PBRM1: variants seen among roughly 807,000 people sequenced by gnomAD.
PBRM1 encodes polybromo 1.
A neutral mutation model predicts 194.5 loss-of-function variants in PBRM1; 27 were observed. The ratio of observed to expected loss-of-function variants is 0.14; its 90% confidence interval spans 0.10 to 0.19. The LOEUF (loss-of-function observed/expected upper bound fraction) is 0.19, where lower values mean the gene tolerates loss of function less well. PBRM1 is among the 10% of genes least tolerant of loss of function. The pLI is 1.00. For synonymous variants in PBRM1, 655 were observed against 693.2 expected (o/e 0.94, Z 0.87); for missense variants, 1,466 against 2,077.2 (o/e 0.71, Z 5.72).
At chr3:52,587,427 C>T in exon 19 of PBRM1, 1 of 1,610,422 alleles carries the variant, frequency 6.2e-7, no homozygotes, top group African/African-American at 1.3e-5. Flanking sequence ...CTCTTAAAAA[C>T]TTCTTTTTCT....
exon 14 of PBRM1, chr3:52,617,499 G>A (rs2153490564): frequency 6.2e-7 from 1 of 1,611,696 alleles, no homozygotes; most frequent in African/African-American, 1.3e-5. Context: ...GAACAACATT[G>A]AATAAGATTT....
chr3:52,580,779 GAT>G (rs1284160313), intron 20 of PBRM1, among the ~76,000 whole-genome samples: 4 of 152,210 alleles, frequency 2.6e-5, no homozygotes, highest in Non-Finnish European at 5.9e-5. Context: ...TGAAGATAAT[GAT>G]AGTGTGGCCA....
intron 13 of PBRM1, among the ~76,000 whole-genome samples, chr3:52,620,404 A>C (rs2095220182): frequency 6.6e-6 from 1 of 152,202 alleles, no homozygotes; most frequent in Admixed American, 6.5e-5. Flanking sequence ...ATTAGTCCTC[A>C]TTCTAGCAAT....
rs2153708823 is a variant in PBRM1 at position 52,642,065 on chromosome 3, A to T, written c.996-20T>A. ...TTATTACTACAAAAAAAAAAAAAGC[A>T]ATTAGACAGGGAAGGATGTTATAAT... On this transcript the variant is annotated intron_variant, in intron 9 of 29. Coordinates refer to ENST00000296302, the Ensembl canonical transcript of PBRM1. The T allele has an allele frequency of 8.3e-7, 1 of 1,203,944 alleles. No individual in the cohort carries two copies. The highest frequency in any genetic ancestry group is 1.2e-6 in the Non-Finnish European group (1 of 812,084). 74.6% of individuals were successfully genotyped at this position (1,203,944 alleles called of 1,614,324 possible).
intron 27 of PBRM1, chr3:52,552,012 C>G (rs1401407827): frequency 6.6e-6 from 1 of 152,106 alleles, no homozygotes; most frequent in Non-Finnish European, 1.5e-5. Context: ...TAGAAAATAA[C>G]AAGTAAAAAA....
intron 26 of PBRM1, among the ~76,000 whole-genome samples, chr3:52,557,971 C>G (rs918746013): frequency 6.6e-6 from 1 of 152,184 alleles, no homozygotes; most frequent in Non-Finnish European, 1.5e-5. Flanking sequence ...AGTGCTCTAT[C>G]AAGAGCAGGC....
At chr3:52,669,607 A>G (rs1019404399) in intron 2 of PBRM1, among the ~76,000 whole-genome samples, 1 of 152,222 alleles carries the variant, frequency 6.6e-6, no homozygotes, top group Non-Finnish European at 1.5e-5. Flanking sequence ...TACAAATAAC[A>G]TCATGGCGAT....
intron 11 of PBRM1, among the ~76,000 whole-genome samples, chr3:52,629,950 C>T (rs961990977): frequency 2.0e-5 from 3 of 152,014 alleles, no homozygotes; most frequent in Non-Finnish European, 4.4e-5. Context: ...TGTTGTGCTC[C>T]AACAGATGAA....
exon 8 of PBRM1, chr3:52,644,725 G>A (rs770383330): frequency 8.3e-6 from 13 of 1,557,790 alleles, no homozygotes; most frequent in Non-Finnish European, 1.1e-5. Flanking sequence ...ACTTGACTTA[G>A]CCATTTCATG....
chr3:52,563,325 G>C (rs751721147), exon 24 of PBRM1: 2 of 1,614,072 alleles, frequency 1.2e-6, no homozygotes, highest in Non-Finnish European at 1.7e-6. Context: ...CACTGGCCAG[G>C]GGGGTCTGAA....
At chr3:52,677,705 G>A (rs1467136750) in intron 2 of PBRM1, among the ~76,000 whole-genome samples, 4 of 152,002 alleles carry the variant, frequency 2.6e-5, no homozygotes, top group South Asian at 4.1e-4. Context: ...GAGCCATTGC[G>A]CCCAGCCTTG....
chr3:52,659,179 T>C (rs2096667548), intron 4 of PBRM1, among the ~76,000 whole-genome samples: 1 of 152,204 alleles, frequency 6.6e-6, no homozygotes, highest in Non-Finnish European at 1.5e-5. Flanking sequence ...CCTAGCTTAG[T>C]CACTGTTTCA....
chr3:52,652,787 C>G (rs924818303), intron 5 of PBRM1, among the ~76,000 whole-genome samples: 1 of 152,054 alleles, frequency 6.6e-6, no homozygotes, highest in Non-Finnish European at 1.5e-5. Flanking sequence ...CACTTGAGGT[C>G]AGAAGTTCAA....
At chr3:52,575,783 G>C (rs951267011) in intron 22 of PBRM1, among the ~76,000 whole-genome samples, 1 of 151,306 alleles carries the variant, frequency 6.6e-6, no homozygotes, top group East Asian at 1.9e-4. Flanking sequence ...CAAAGTGCTG[G>C]GATTACAGGC....
intron 4 of PBRM1, among the ~76,000 whole-genome samples, chr3:52,659,369 C>T (rs1577854979): frequency 6.6e-6 from 1 of 152,058 alleles, no homozygotes; most frequent in Admixed American, 6.6e-5. Context: ...CATAAAAGTA[C>T]TGGTATTGTG....
chr3:52,662,612 G>A (rs945282184), intron 3 of PBRM1, among the ~76,000 whole-genome samples: 1 of 152,136 alleles, frequency 6.6e-6, no homozygotes, highest in African/African-American at 2.4e-5. Flanking sequence ...TGGATCATGA[G>A]GTCAAGAGAT....
chr3:52,586,376 AG>A, intron 20 of PBRM1, 48 bp downstream of exon 22: 1 of 1,450,260 alleles, frequency 6.9e-7, no homozygotes, highest in Middle Eastern at 1.8e-4. Context: ...TTTCTGGAAT[AG>A]GTGTTTTGAG....
At chr3:52,569,649 A>T (rs2086423875) in intron 22 of PBRM1, among the ~76,000 whole-genome samples, 1 of 152,242 alleles carries the variant, frequency 6.6e-6, no homozygotes, top group African/African-American at 2.4e-5. Context: ...CTACCTAGGC[A>T]TATGGTACTG....
chr3:52,651,226 G>C (rs1301514416), intron 6 of PBRM1, among the ~76,000 whole-genome samples: 1 of 152,178 alleles, frequency 6.6e-6, no homozygotes, highest in African/African-American at 2.4e-5. Context: ...TACTGCCAGG[G>C]ATACAGTGAA....
Sources: allele counts gnomAD v4.1 joint callset (sites outside exome capture counted in the v4.1 genomes callset), GRCh38; gene constraint gnomAD v4.1.1; transcripts MANE v1.5; gene names NCBI Gene and HGNC (gene_info 2026-07-23, HGNC 2026-07-21).